ADH6: variants seen among roughly 807,000 people sequenced by gnomAD.
ADH6 encodes the protein alcohol dehydrogenase 6.
Under a neutral mutation model 36.5 loss-of-function variants are expected in ADH6, and 34 were observed. That is an observed-to-expected ratio of 0.93 (90% CI 0.71 to 1.24). ADH6 has a LOEUF of 1.24. ADH6 is among the 50% of genes most tolerant of loss of function. The pLI, the probability that ADH6 is intolerant of heterozygous loss-of-function variation, is 0.00. For synonymous variants in ADH6, 161 were observed against 155.5 expected (o/e 1.04, Z -0.26); for missense variants, 440 against 447.0 (o/e 0.98, Z 0.14).
At chr4:99,214,042 T>C (rs1731317719) in intron 2 of ADH6, among the ~76,000 whole-genome samples, 2 of 152,122 alleles carry the variant, frequency 1.3e-5, no homozygotes, top group African/African-American at 4.8e-5. Flanking sequence ...GAGGTCTCAA[T>C]TGGCTTCATT....
rs745568088 is a variant in ADH6 at position 99,210,229 on chromosome 4, G to A, written c.420C>T (p.His140=). The A allele has an allele frequency of 5.6e-6, 9 of 1,613,724 alleles. No homozygotes were observed. In the South Asian group the frequency reaches 6.6e-5, roughly 12 times the overall value. ...CACAGAAGGTGCTGGTATTACCAAAGTGATATATTGATTTTCCCTTGCAGG... is the reference window on the plus strand; with the variant it reads ...CACAGAAGGTGCTGGTATTACCAAAATGATATATTGATTTTCCCTTGCAGG... ...RFTCKGKSIY[H]FGNTSTFCEY... Residue 140 remains histidine, a synonymous_variant, in exon 5 of 9, where the codon CAC becomes CAT. Transcript: ENST00000394899.
chr4:99,217,257 T>C (rs552499988), intron 1 of ADH6, among the ~76,000 whole-genome samples: 68 of 152,160 alleles, frequency 4.5e-4, no homozygotes, highest in South Asian at 1.2e-3. Context: ...AGGATGTTCT[T>C]GATCTCCTGA....
chr4:99,210,609 A>C, intron 3 of ADH6, 107 bp from the exon 4 acceptor site: 1 of 802,336 alleles, frequency 1.2e-6, no homozygotes, highest in Non-Finnish European at 2.1e-6. Context: ...ATGACAGCTG[A>C]AAATTATTTC....
Position 99,204,108 on chromosome 4 carries a change from CAG to C in ADH6, c.*109_*110del. 3.7e-6 allele frequency: 5 copies of C among 1,334,146 alleles called. No individual in the cohort carries two copies. The highest frequency in any genetic ancestry group is 5.1e-6 in the Non-Finnish European group (5 of 971,238). The allele number at this position is 1,334,146 out of a possible 1,614,324, so 82.6% of individuals were successfully genotyped here. A position where few individuals can be genotyped will look rare whatever the true frequency, so the allele number is the denominator to read the frequency against. ...GTCCACTGCGGAGTGAATCAGAAGT[CAG>C]AATATAGAAATGGGATTGGGTGAAT... On this transcript the variant is annotated 3_prime_UTR_variant, in exon 9 of 9. Coordinates refer to ENST00000394899, the MANE Select transcript of ADH6 (RefSeq NM_001102470.2).
Position 99,202,704 on chromosome 4 carries a change from G to A in ADH6, c.*1515C>T, listed in dbSNP as rs1424331198. 1.8e-5 allele frequency: 7 copies of A among 397,890 alleles called. No individual in the cohort carries two copies. Among genetic ancestry groups the A allele is most frequent in the East Asian group, 3.6e-5 (1 of 28,074 alleles). 24.6% of individuals were successfully genotyped at this position (397,890 alleles called of 1,614,324 possible). The stretch of plus-strand genomic sequence containing the variant: ...ACACTGTTTACAACAAAACGTTTCC[G>A]GGAAAACTTGGATTTCCCAAGACCC... On this transcript the variant is annotated 3_prime_UTR_variant, in exon 9 of 9. Transcript: ENST00000394899.
At chr4:99,208,238 C>T (rs1353601308) in intron 6 of ADH6, among the ~76,000 whole-genome samples, 2 of 152,092 alleles carry the variant, frequency 1.3e-5, no homozygotes, top group Non-Finnish European at 2.9e-5. Flanking sequence ...TAAGTAACTT[C>T]CCCTCACTTT....
chr4:99,208,667 C>T lies in ADH6; in HGVS notation c.828+1G>A. On this transcript the variant is annotated splice_donor_variant, in intron 6 of 8. Transcript: ENST00000394899. LOFTEE classifies it high-confidence loss of function. ...AATTTTCACTCCAGAGGATTACATA[C>T]CAGAACGTCCAGATTTCCAATGGCC... The T allele has an allele frequency of 6.2e-7, 1 of 1,611,658 alleles. No homozygotes were observed. Among genetic ancestry groups the T allele is most frequent in the Non-Finnish European group, 8.5e-7 (1 of 1,178,804 alleles).
chr4:99,210,356 G>A, intron 4 of ADH6, 58 bp from the exon 5 acceptor site: 2 of 1,596,610 alleles, frequency 1.3e-6, no homozygotes, highest in Non-Finnish European at 1.7e-6. Flanking sequence ...AGAAAGCTTA[G>A]ATCTTCTCCA....
At chr4:99,207,729 T>G (rs1731086098) in intron 6 of ADH6, 148 bp from the exon 7 acceptor site, 1 of 887,942 alleles carries the variant, frequency 1.1e-6, no homozygotes, top group Admixed American at 2.8e-5. Context: ...ATTTATCTTG[T>G]AAGGATGCTA....
Position 99,204,999 on chromosome 4 carries a change from T to A in ADH6, c.1029A>T (p.Leu343=), listed in dbSNP as rs751873507. Residue 343 remains leucine, a synonymous_variant, in exon 8 of 9, where the codon CTA becomes CTT. Transcript: ENST00000394899. ...TCAGAGTATGAGTAATTAGTGGATC[T>A]AGATTCAACTTCTCTGCCATATAAT... ...VADYMAEKLN[L]DPLITHTLNL... 3 of 1,609,814 alleles carry A rather than the reference T, an allele frequency of 1.9e-6. No individual in the cohort carries two copies. The highest frequency in any genetic ancestry group is 1.7e-6 in the Non-Finnish European group (2 of 1,178,012).
chr4:99,210,309 C>T lies in ADH6; in HGVS notation c.351-11G>A. 1.9e-6 allele frequency: 3 copies of T among 1,608,520 alleles called. No homozygotes were observed. The highest frequency in any genetic ancestry group is 1.7e-6 in the Non-Finnish European group (2 of 1,176,330). On this transcript the variant is annotated splice_polypyrimidine_tract_variant and intron_variant, in intron 4 of 8. Transcript: ENST00000394899. ...TGGGTTTTTGACTGTCTTTTATAGA[C>T]AAAACAAAAAACAAAACACAAAGTT...
chr4:99,210,507 AAG>A lies in ADH6; in HGVS notation c.263-7_263-6del. On this transcript the variant is annotated splice_region_variant and splice_polypyrimidine_tract_variant and intron_variant, in intron 3 of 8. Coordinates refer to ENST00000394899, the MANE Select transcript of ADH6 (RefSeq NM_001102470.2). ...AGAGTGTGATAACTTTGTCACCTAAAAGAGCAAAATCATGTCTTATTAACATA... is the reference window on the plus strand; with the variant it reads ...AGAGTGTGATAACTTTGTCACCTAAAAGCAAAATCATGTCTTATTAACATA... 1 of 1,595,190 alleles carries A rather than the reference AAG, an allele frequency of 6.3e-7. No homozygotes were observed. The highest frequency in any genetic ancestry group is 8.6e-7 in the Non-Finnish European group (1 of 1,165,528).
intron 5 of ADH6, among the ~76,000 whole-genome samples, chr4:99,209,131 C>A (rs527866011): frequency 4.1e-4 from 63 of 152,154 alleles, no homozygotes; most frequent in African/African-American, 1.4e-3. Flanking sequence ...GGCACAGGAA[C>A]AAAAAACTGC....
intron 1 of ADH6, among the ~76,000 whole-genome samples, chr4:99,218,051 C>T (rs1175102141): frequency 6.6e-6 from 1 of 152,098 alleles, no homozygotes. Context: ...TCAACCACTA[C>T]CTTTATGTGA....
intron 1 of ADH6, among the ~76,000 whole-genome samples, chr4:99,218,718 A>T (rs1731536033): frequency 6.6e-6 from 1 of 152,164 alleles, no homozygotes; most frequent in Admixed American, 6.5e-5. Flanking sequence ...TTACCTGGTG[A>T]ATTCATATTT....
In ADH6 at chr4:99,204,253, A is replaced by G; in HGVS notation, c.1104-10T>C. 6.3e-7 allele frequency: 1 copy of G among 1,598,476 alleles called. No homozygotes were observed. The highest frequency in any genetic ancestry group is 8.5e-7 in the Non-Finnish European group (1 of 1,178,110). Reference sequence around the variant, plus strand: ...CAGGATACAGCGGATACTGAAAAAAAGAAGAAGAGAAAAAAGGTTGGAACA... The same window carrying G: ...CAGGATACAGCGGATACTGAAAAAAGGAAGAAGAGAAAAAAGGTTGGAACA... On this transcript the variant is annotated splice_polypyrimidine_tract_variant and intron_variant, in intron 8 of 8. Coordinates refer to ENST00000394899, the MANE Select transcript of ADH6 (RefSeq NM_001102470.2).
intron 6 of ADH6, chr4:99,208,440 T>A: frequency 2.3e-6 from 1 of 430,216 alleles, no homozygotes; most frequent in Non-Finnish European, 4.1e-6. Flanking sequence ...TTTAATCTTA[T>A]CTTGCTTAAA....
chr4:99,207,774 A>G (rs982238006), intron 6 of ADH6, among the ~76,000 whole-genome samples, 193 bp from the exon 7 acceptor site: 20 of 152,292 alleles, frequency 1.3e-4, no homozygotes, highest in Middle Eastern at 6.8e-3. Flanking sequence ...GTTGCTTAGT[A>G]TAGTACCTGG....
Position 99,202,895 on chromosome 4 carries a change from A to G in ADH6, c.*1324T>C. The G allele has an allele frequency of 2.5e-6, 1 of 396,772 alleles. No individual in the cohort carries two copies. Among genetic ancestry groups the G allele is most frequent in the East Asian group, 3.6e-5 (1 of 28,034 alleles). 24.6% of individuals were successfully genotyped at this position (396,772 alleles called of 1,614,324 possible). ...GAGCCATCCCAAGTCCAGAGTGAAT[A>G]GGTTTCATAGCACCCATCTCCTCTA... is the stretch of plus-strand genomic sequence containing the variant. On this transcript the variant is annotated 3_prime_UTR_variant, in exon 9 of 9. Coordinates refer to ENST00000394899, the MANE Select transcript of ADH6 (RefSeq NM_001102470.2).
Sources: gnomAD v4.1 joint callset for allele counts (sites outside exome capture counted in the v4.1 genomes callset) on GRCh38, gnomAD v4.1.1 for gene constraint, MANE v1.5 for transcripts, NCBI Gene and HGNC (gene_info 2026-07-23, HGNC 2026-07-21) for gene names.